The following ADTRP variants were observed in gnomAD, a reference collection of about 807,000 sequenced individuals.
ADTRP encodes androgen-dependent TFPI-regulating protein.
In ADTRP, 20 loss-of-function variants were observed where a neutral mutation model predicts 27.0. The ratio of observed to expected loss-of-function variants is 0.74; its 90% CI spans 0.52 to 1.08. ADTRP has a LOEUF of 1.08. Among genes scored for constraint, ADTRP ranks in the 50% least tolerant of loss-of-function variants. The pLI, the probability that ADTRP is intolerant of heterozygous loss-of-function variation, is 0.00. For synonymous variants in ADTRP, 101 were observed against 105.2 expected (o/e 0.96, Z 0.25); for missense variants, 251 against 275.0 (o/e 0.91, Z 0.62).
intron 1 of ADTRP, among the ~76,000 whole-genome samples, chr6:11,776,481 C>T (rs1052322804): frequency 2.0e-5 from 3 of 152,078 alleles, no homozygotes; most frequent in African/African-American, 7.2e-5. Flanking sequence ...ACTCACATGG[C>T]AGGGAGAGAG....
In ADTRP at chr6:11,716,701, T is replaced by TTTTTTC. The variant is rs1301913821; in HGVS notation, c.659-2195_659-2190dup. 6.3e-3 allele frequency among the ~76,000 whole-genome samples: 861 copies of TTTTTTC among 136,120 alleles called. 46 individuals are homozygous for TTTTTTC. Among genetic ancestry groups the TTTTTTC allele is most frequent in the Non-Finnish European group, 7.3e-3 (471 of 64,342 alleles). 89.3% of individuals were successfully genotyped at this position (136,120 alleles called of 152,430 possible). On this transcript the variant is annotated intron_variant, in intron 5 of 5. Coordinates refer to ENST00000414691, the MANE Select transcript of ADTRP (RefSeq NM_032744.4). The stretch of plus-strand genomic sequence containing the variant: ...TTCAAAATTTATCTCTGACCATGCT[T>TTTTTTC]TTTTTCTTTTTCTTTTTCTTTTTTT...
At chr6:11,756,758 G>A (rs1034449448) in intron 3 of ADTRP, among the ~76,000 whole-genome samples, 12 of 152,162 alleles carry the variant, frequency 7.9e-5, no homozygotes, top group Non-Finnish European at 1.0e-4. Flanking sequence ...GAAAACACAG[G>A]TTTATGACTT....
At chr6:11,719,302 C>G (rs1361011512) in intron 5 of ADTRP, among the ~76,000 whole-genome samples, 1 of 152,204 alleles carries the variant, frequency 6.6e-6, no homozygotes, top group Non-Finnish European at 1.5e-5. Flanking sequence ...CACACTTTAA[C>G]AAGATCTCCG....
At chr6:11,735,891 T>C (rs1029595254) in intron 3 of ADTRP, 1 of 513,174 alleles carries the variant, frequency 1.9e-6, no homozygotes, top group Non-Finnish European at 3.5e-6. Context: ...ACCAAGGACT[T>C]TGCAATGTGT....
chr6:11,721,667 A>G (rs971918051), intron 5 of ADTRP, among the ~76,000 whole-genome samples: 3 of 152,206 alleles, frequency 2.0e-5, no homozygotes, highest in Admixed American at 6.5e-5. Flanking sequence ...ACAGTCATTT[A>G]CAATCGTCTC....
intron 5 of ADTRP, 116 bp downstream of exon 5, chr6:11,723,231 CAA>C (rs945262512): frequency 7.2e-7 from 1 of 1,390,452 alleles, no homozygotes; most frequent in Admixed American, 2.0e-5. Context: ...GTACTTTGGA[CAA>C]AGACAGTAAG....
chr6:11,775,384 T>G (rs1191073108), intron 1 of ADTRP, among the ~76,000 whole-genome samples: 10 of 151,958 alleles, frequency 6.6e-5, no homozygotes, highest in African/African-American at 2.2e-4. Flanking sequence ...TAGGTACTAT[T>G]TTTATTTCTA....
intron 2 of ADTRP, chr6:11,767,653 C>T (rs996892858): frequency 1.3e-5 from 2 of 152,202 alleles, no homozygotes; most frequent in African/African-American, 2.4e-5. Context: ...CATCAGCATA[C>T]CAGCTTACTG....
intron 4 of ADTRP, 90 bp from the exon 5 acceptor site, chr6:11,723,590 G>T: frequency 1.4e-6 from 2 of 1,478,132 alleles, no homozygotes; most frequent in Non-Finnish European, 9.2e-7. Flanking sequence ...TGGTACCCAG[G>T]CAGGGGAAGA....
chr6:11,731,124 T>G (rs1200759304), intron 4 of ADTRP, among the ~76,000 whole-genome samples: 1 of 152,206 alleles, frequency 6.6e-6, no homozygotes, highest in Non-Finnish European at 1.5e-5. Flanking sequence ...GTGTGAGCAC[T>G]CAGCAGATTA....
chr6:11,729,754 TAAACC>T, intron 4 of ADTRP, among the ~76,000 whole-genome samples: 1 of 152,320 alleles, frequency 6.6e-6, no homozygotes, highest in Admixed American at 6.5e-5. Flanking sequence ...CTGAACCAAT[TAAACC>T]AGAGTATTTT....
chr6:11,751,661 T>C (rs1763060263), intron 3 of ADTRP, among the ~76,000 whole-genome samples: 1 of 152,248 alleles, frequency 6.6e-6, no homozygotes, highest in African/African-American at 2.4e-5. Context: ...TTCTTTTCCA[T>C]TGCTTTTAGT....
At chr6:11,726,699 G>T (rs1762215762) in intron 4 of ADTRP, among the ~76,000 whole-genome samples, 2 of 152,224 alleles carry the variant, frequency 1.3e-5, no homozygotes, top group African/African-American at 4.8e-5. Context: ...AGTTTGGGAA[G>T]ATGTAAAAGT....
At chr6:11,726,644 A>G (rs1474722407) in intron 4 of ADTRP, among the ~76,000 whole-genome samples, 1 of 152,230 alleles carries the variant, frequency 6.6e-6, no homozygotes, top group Non-Finnish European at 1.5e-5. Flanking sequence ...ATAGCAACAC[A>G]AAATGGACTG....
At chr6:11,752,145 C>T (rs1342279936) in intron 3 of ADTRP, among the ~76,000 whole-genome samples, 26 of 152,100 alleles carry the variant, frequency 1.7e-4, no homozygotes, top group Admixed American at 1.7e-3. Context: ...CTTTACCTCA[C>T]TCTTCTTGGT....
At chr6:11,743,743 G>A (rs760569899) in intron 3 of ADTRP, among the ~76,000 whole-genome samples, 1 of 152,072 alleles carries the variant, frequency 6.6e-6, no homozygotes, top group African/African-American at 2.4e-5. Context: ...ATTAATGAAC[G>A]AATCAATGAA....
At chr6:11,731,854 T>C (rs1435938223) in intron 4 of ADTRP, among the ~76,000 whole-genome samples, 1 of 152,214 alleles carries the variant, frequency 6.6e-6, no homozygotes, top group East Asian at 1.9e-4. Flanking sequence ...CCCTGCAGGC[T>C]GAAGCTTGGC....
intron 5 of ADTRP, among the ~76,000 whole-genome samples, chr6:11,720,634 G>T (rs965673760): frequency 6.6e-6 from 1 of 152,022 alleles, no homozygotes; most frequent in Non-Finnish European, 1.5e-5. Flanking sequence ...ACCACACCCG[G>T]CTAATTTTTT....
rs746567928 is a variant in ADTRP at position 11,768,288 on chromosome 6, TC to T, written c.248del (p.Arg83LysfsTer36). ...AAGCCAGAGTGGTGAAAAGCAGGTC[TC>T]TGAAGGCAGTTAGGAACTTAATGTC... ...GKDIKFLTAFRDLLFTTLAFP... is the reference protein window; with the variant it reads ...GKDIKFLTAFXDLLFTTLAFP... On this transcript the variant is annotated frameshift_variant, in exon 2 of 6. Coordinates refer to ENST00000414691, the MANE Select transcript of ADTRP (RefSeq NM_032744.4). LOFTEE classifies it high-confidence loss of function. 2.5e-6 allele frequency: 4 copies of T among 1,614,214 alleles called. No homozygotes were observed. The South Asian group carries it at 4.4e-5, about 18-fold the overall frequency.
Sources: allele counts gnomAD v4.1 joint callset (sites outside exome capture counted in the v4.1 genomes callset), GRCh38; gene constraint gnomAD v4.1.1; transcripts MANE v1.5; gene names NCBI Gene and HGNC (gene_info 2026-07-23, HGNC 2026-07-21).